The following CCDC57 variants were observed in gnomAD, a reference collection of about 807,000 sequenced individuals.
CCDC57 encodes the protein coiled-coil domain containing 57, also known as coiled-coil domain-containing protein 57.
A neutral mutation model predicts 118.9 loss-of-function variants in CCDC57; 118 were observed. That is an observed-to-expected ratio of 0.99 (90% CI 0.86 to 1.16). The LOEUF is 1.16. Among genes scored for constraint, CCDC57 ranks in the 50% most tolerant of loss-of-function variants. The pLI is 0.00. For missense variants in CCDC57, 1,300 were observed against 1,320.7 expected (o/e 0.98, Z 0.24); for synonymous variants, 527 against 532.9 (o/e 0.99, Z 0.15).
intron 19 of CCDC57, among the ~76,000 whole-genome samples, chr17:82,122,647 AG>A (rs1260702831): frequency 6.6e-6 from 1 of 152,188 alleles, no homozygotes; most frequent in African/African-American, 2.4e-5. Context: ...CTTGCTTGTC[AG>A]CTTGCAGGCT....
At chr17:82,135,920 T>TA (rs1212743440) in intron 16 of CCDC57, among the ~76,000 whole-genome samples, 2 of 151,818 alleles carry the variant, frequency 1.3e-5, no homozygotes, top group East Asian at 1.9e-4. Context: ...TTTTTAAATA[T>TA]AAAAAAAATA....
At chr17:82,151,194 CAGG>C (rs2041986670) in intron 16 of CCDC57, among the ~76,000 whole-genome samples, 2 of 102,190 alleles carry the variant, frequency 2.0e-5, no homozygotes, top group Non-Finnish European at 2.0e-5. Flanking sequence ...CACCCAGAAC[CAGG>C]CGCACATCCA....
chr17:82,109,042 A>G (rs1375778812), intron 19 of CCDC57: 1 of 152,268 alleles, frequency 6.6e-6, no homozygotes, highest in Admixed American at 6.5e-5. Flanking sequence ...CATGTTAAAC[A>G]TAAACCTCCA....
intron 19 of CCDC57, chr17:82,106,334 C>T (rs1157381926): frequency 6.6e-6 from 1 of 152,458 alleles, no homozygotes; most frequent in Non-Finnish European, 1.5e-5. Context: ...CCCAGAGACG[C>T]ATGGCCTTCC....
intron 8 of CCDC57, 84 bp from the exon 8 acceptor site, chr17:82,184,016 T>A (rs1394028111): frequency 9.8e-6 from 3 of 304,602 alleles, no homozygotes; most frequent in Non-Finnish European, 1.8e-5. Flanking sequence ...CAAATACACA[T>A]GCGCGCGCGC....
At chr17:82,178,250 G>C (rs2045775891) in intron 11 of CCDC57, among the ~76,000 whole-genome samples, 1 of 152,184 alleles carries the variant, frequency 6.6e-6, no homozygotes, top group African/African-American at 2.4e-5. Context: ...AGTTATATGT[G>C]GATTTGGGAC....
intron 15 of CCDC57, chr17:82,157,416 C>T: frequency 1.5e-6 from 2 of 1,290,776 alleles, no homozygotes; most frequent in Non-Finnish European, 2.0e-6. Context: ...CAAGGCCCTG[C>T]ATTAAAGCAA....
At chr17:82,128,505 C>T (rs771982514) in exon 18 of CCDC57, 1 of 1,560,238 alleles carries the variant, frequency 6.4e-7, no homozygotes, top group Non-Finnish European at 8.7e-7. Context: ...TCGGGCCTTG[C>T]AGGGCGTCAA....
intron 19 of CCDC57, chr17:82,106,474 A>C (rs542867218): frequency 5.2e-5 from 8 of 152,672 alleles, no homozygotes; most frequent in Admixed American, 4.6e-4. Flanking sequence ...TGAGACGGTG[A>C]GAGCCAGGGC....
intron 19 of CCDC57, among the ~76,000 whole-genome samples, chr17:82,107,790 G>C (rs1453528686): frequency 6.6e-6 from 1 of 152,218 alleles, no homozygotes; most frequent in Admixed American, 6.5e-5. Flanking sequence ...GGGACTCTGG[G>C]AGGGAACAGC....
chr17:82,165,461 A>G (rs563526036), intron 13 of CCDC57, among the ~76,000 whole-genome samples: 1 of 151,734 alleles, frequency 6.6e-6, no homozygotes, highest in South Asian at 2.1e-4. Context: ...GCCTGGTGCT[A>G]GGCAGCCACA....
intron 5 of CCDC57, among the ~76,000 whole-genome samples, chr17:82,194,979 C>T (rs555253615): frequency 1.3e-5 from 2 of 152,362 alleles, no homozygotes; most frequent in South Asian, 4.1e-4. Flanking sequence ...ATCTGTGCAC[C>T]GTGATGCCCA....
At chr17:82,105,545 G>T (rs756860663) in intron 19 of CCDC57, among the ~76,000 whole-genome samples, 2 of 151,986 alleles carry the variant, frequency 1.3e-5, no homozygotes, top group Non-Finnish European at 2.9e-5. Flanking sequence ...CACAGGCCAC[G>T]CCCACCCGTG....
At chr17:82,194,605 C>T (rs1000334381) in intron 5 of CCDC57, among the ~76,000 whole-genome samples, 5 of 152,046 alleles carry the variant, frequency 3.3e-5, no homozygotes, top group Admixed American at 2.6e-4. Flanking sequence ...CCACCGTGCC[C>T]GGCCTTCATT....
intron 2 of CCDC57, among the ~76,000 whole-genome samples, chr17:82,203,977 G>A (rs536620323): frequency 2.0e-4 from 31 of 152,164 alleles, no homozygotes; most frequent in Non-Finnish European, 3.5e-4. Context: ...GCTGAGCACC[G>A]GCTGTGACGA....
chr17:82,123,293 CTT>C (rs35898082), intron 19 of CCDC57, among the ~76,000 whole-genome samples: 29,985 of 111,128 alleles, frequency 0.27, 3,500 homozygotes, highest in African/African-American at 0.34. Context: ...GTGCCCGGCC[CTT>C]TTTTTTTTTT....
At position 82,192,536 on chromosome 17, in the gene CCDC57, G is replaced by A. The variant is rs139436040; in HGVS notation, c.851+1220C>T. On this transcript the variant is annotated intron_variant, in intron 7 of 19. Coordinates refer to ENST00000665763, the Ensembl canonical transcript of CCDC57. This position sits in a 1 kb window ranked among gnomAD's most constrained non-coding sequence, Gnocchi z 4.0. ...GCCAGGTGTAGACTTAAAAACACAC[G>A]AAGAGAAACAGTGTTTGTCCAGCTT... Among the ~76,000 whole-genome samples, 1,205 of 152,148 alleles carry A rather than the reference G, an allele frequency of 7.9e-3. 18 individuals are homozygous for A. The highest frequency in any genetic ancestry group is 0.027 in the African/African-American group (1,103 of 41,514).
downstream of CCDC57, chr17:82,101,518 T>C (rs1425364468): frequency 3.3e-6 from 2 of 607,556 alleles, no homozygotes; most frequent in Non-Finnish European, 5.6e-6. Context: ...AGGGAGGCCT[T>C]CAGTCAGCAG....
intron 19 of CCDC57, among the ~76,000 whole-genome samples, chr17:82,124,193 G>A (rs1397477567): frequency 2.0e-5 from 3 of 152,184 alleles, no homozygotes; most frequent in Non-Finnish European, 4.4e-5. Flanking sequence ...CACCCTGAGG[G>A]TAGGACCTAA....
Sources: gnomAD v4.1 joint callset for allele counts (sites outside exome capture counted in the v4.1 genomes callset) on GRCh38, gnomAD v4.1.1 for gene constraint, Gnocchi (gnomAD v3.1) non-coding constraint, MANE v1.5 for transcripts, NCBI Gene and HGNC (gene_info 2026-07-23, HGNC 2026-07-21) for gene names.